MECOM: variants seen among roughly 807,000 people sequenced by gnomAD.
The protein encoded by MECOM is histone-lysine N-methyltransferase MECOM.
Under a neutral mutation model 116.3 loss-of-function variants are expected in MECOM, and 13 were observed. That is an observed-to-expected ratio of 0.11 (90% CI 0.07 to 0.18). The LOEUF (loss-of-function observed/expected upper bound fraction) is 0.18, where lower values mean the gene tolerates loss of function less well. Ranked by LOEUF, MECOM falls within the 10% of genes least tolerant of loss-of-function variation. The pLI, the probability that MECOM is intolerant of heterozygous loss-of-function variation, is 1.00. For synonymous variants in MECOM, 528 were observed against 535.2 expected, an observed-to-expected ratio of 0.99 and a Z score of 0.19; for missense variants, 1,299 against 1,509.0, an observed-to-expected ratio of 0.86 and a Z score of 2.31.
intron 1 of MECOM, among the ~76,000 whole-genome samples, chr3:169,574,862 G>C (rs1211906704): frequency 3.3e-5 from 5 of 151,856 alleles, no homozygotes; most frequent in Non-Finnish European, 7.4e-5. Context: ...AATGAGGGGA[G>C]GGAGAAAACA....
chr3:169,399,234 T>A (rs1735489141), intron 1 of MECOM, among the ~76,000 whole-genome samples: 1 of 152,178 alleles, frequency 6.6e-6, no homozygotes, highest in Non-Finnish European at 1.5e-5. Context: ...TTTACGCACA[T>A]GTACCCTAGA....
chr3:169,086,243 A>G (rs1717694420), intron 16 of MECOM, among the ~76,000 whole-genome samples: 1 of 152,196 alleles, frequency 6.6e-6, no homozygotes, highest in Non-Finnish European at 1.5e-5. Context: ...TTTCTTAAGC[A>G]TCTACTCTAT....
chr3:169,525,853 A>G (rs1253243521), intron 1 of MECOM, among the ~76,000 whole-genome samples: 1 of 152,026 alleles, frequency 6.6e-6, no homozygotes, highest in East Asian at 1.9e-4. Flanking sequence ...ACATGGCAAA[A>G]CCCCATCTCT....
At chr3:169,575,955 C>T (rs1231297076) in intron 1 of MECOM, among the ~76,000 whole-genome samples, 1 of 152,128 alleles carries the variant, frequency 6.6e-6, no homozygotes. Flanking sequence ...ACAAGAAAGA[C>T]AGCATCATTT....
intron 1 of MECOM, among the ~76,000 whole-genome samples, chr3:169,492,844 C>T (rs1753262356): frequency 6.6e-6 from 1 of 152,098 alleles, no homozygotes; most frequent in African/African-American, 2.4e-5. Context: ...CCTGTTGTCC[C>T]AGCTACTCAG....
intron 2 of MECOM, among the ~76,000 whole-genome samples, chr3:169,228,600 T>G (rs1302012324): frequency 6.6e-6 from 1 of 152,216 alleles, no homozygotes; most frequent in Non-Finnish European, 1.5e-5. Flanking sequence ...TTCAGAGATG[T>G]GATTATAACA....
At chr3:169,257,971 A>T (rs1296028021) in intron 2 of MECOM, among the ~76,000 whole-genome samples, 1 of 152,246 alleles carries the variant, frequency 6.6e-6, no homozygotes, top group East Asian at 1.9e-4. Flanking sequence ...CCGCAATATC[A>T]GCACTTTGGG....
intron 2 of MECOM, among the ~76,000 whole-genome samples, chr3:169,185,273 T>C (rs1746551508): frequency 6.6e-6 from 1 of 151,826 alleles, no homozygotes; most frequent in African/African-American, 2.4e-5. Flanking sequence ...TTGAGAACTG[T>C]GGAGGGGAGA....
intron 1 of MECOM, among the ~76,000 whole-genome samples, chr3:169,457,241 G>C (rs769418728): frequency 2.0e-5 from 3 of 152,108 alleles, no homozygotes; most frequent in Admixed American, 6.6e-5. Flanking sequence ...CCCATGGATG[G>C]GGCAGCGCTT....
At chr3:169,534,018 C>T (rs868046020) in intron 1 of MECOM, among the ~76,000 whole-genome samples, 3 of 152,164 alleles carry the variant, frequency 2.0e-5, no homozygotes. Context: ...GTTTAGGTTT[C>T]CCTGCCAATG....
intron 1 of MECOM, among the ~76,000 whole-genome samples, chr3:169,574,915 T>C (rs892955798): frequency 5.9e-5 from 9 of 151,946 alleles, no homozygotes; most frequent in African/African-American, 1.9e-4. Flanking sequence ...TGGAAAGACA[T>C]CTACAGAACA....
At chr3:169,340,662 A>G (rs2149789871) in intron 2 of MECOM, among the ~76,000 whole-genome samples, 1 of 152,320 alleles carries the variant, frequency 6.6e-6, no homozygotes, top group Non-Finnish European at 1.5e-5. Flanking sequence ...CATGCACCAG[A>G]TATAGCTTTC....
intron 1 of MECOM, among the ~76,000 whole-genome samples, chr3:169,445,669 G>C (rs1203001546): frequency 6.6e-6 from 1 of 152,136 alleles, no homozygotes; most frequent in Non-Finnish European, 1.5e-5. Flanking sequence ...CCATCCTCCA[G>C]ACCCCAGAAT....
intron 1 of MECOM, among the ~76,000 whole-genome samples, chr3:169,658,927 C>G (rs1469836861): frequency 6.6e-6 from 1 of 152,134 alleles, no homozygotes; most frequent in Non-Finnish European, 1.5e-5. Context: ...GTCCTTCTAG[C>G]CCGGGGAGGA....
At chr3:169,396,202 C>T (rs1052406881) in intron 1 of MECOM, among the ~76,000 whole-genome samples, 6 of 152,224 alleles carry the variant, frequency 3.9e-5, no homozygotes, top group South Asian at 2.1e-4. Flanking sequence ...AATCTATAAA[C>T]CATAGATCCA....
intron 3 of MECOM, 34 bp from the exon 4 acceptor site, chr3:169,131,565 G>A (rs772033446): frequency 1.2e-5 from 19 of 1,521,946 alleles, no homozygotes; most frequent in Non-Finnish European, 1.7e-5. Flanking sequence ...ATGGAATCAG[G>A]AAAGAGAGAG....
intron 1 of MECOM, among the ~76,000 whole-genome samples, chr3:169,562,139 C>CAAAAAAAAAAA (rs10714325): frequency 1.2e-4 from 3 of 25,286 alleles, no homozygotes; most frequent in African/African-American, 2.8e-4. Context: ...GAGCAATACT[C>CAAAAAAAAAAA]AAAAAAAAAA....
At chr3:169,229,053 T>C (rs1753074257) in intron 2 of MECOM, among the ~76,000 whole-genome samples, 1 of 152,186 alleles carries the variant, frequency 6.6e-6, no homozygotes, top group Non-Finnish European at 1.5e-5. Context: ...CACTCACATA[T>C]ACATGAGTGT....
intron 1 of MECOM, among the ~76,000 whole-genome samples, chr3:169,619,661 A>G (rs1012832658): frequency 2.6e-5 from 4 of 152,150 alleles, no homozygotes; most frequent in Non-Finnish European, 4.4e-5. Context: ...TGAACTGAAG[A>G]CGGTAAATCA....
Sources: gnomAD v4.1 joint callset for allele counts (sites outside exome capture counted in the v4.1 genomes callset) on GRCh38, gnomAD v4.1.1 for gene constraint, MANE v1.5 for transcripts, NCBI Gene and HGNC (gene_info 2026-07-23, HGNC 2026-07-21) for gene names.